The following RGPD2 variants were observed in gnomAD, a reference collection of about 807,000 sequenced individuals.
RGPD2 encodes RANBP2-like and GRIP domain-containing protein 2.
Under a neutral mutation model 36.0 loss-of-function variants are expected in RGPD2, and 2 were observed. The observed-to-expected ratio is 0.06, with a 90% CI of 0.02 to 0.17. RGPD2 has a LOEUF of 0.17. RGPD2 is among the 10% of genes least tolerant of loss of function. The probability of loss-of-function intolerance (pLI) is 1.00; values close to 1 mark genes in which losing one functional copy is unlikely to be tolerated. For synonymous variants in RGPD2, 19 were observed against 163.8 expected, an observed-to-expected ratio of 0.12 and a Z score of 6.75; for missense variants, 40 against 464.3, an observed-to-expected ratio of 0.09 and a Z score of 8.40.
chr2:87,844,492 A>G, the RGPD2 span, among the ~76,000 whole-genome samples: 1 of 148,910 alleles, frequency 6.7e-6, no homozygotes, highest in African/African-American at 2.4e-5. Context: ...TGATTTGCCT[A>G]TTATATATTT....
chr2:87,853,410 G>A, the RGPD2 span, among the ~76,000 whole-genome samples: 7 of 151,982 alleles, frequency 4.6e-5, no homozygotes, highest in African/African-American at 1.2e-4. Flanking sequence ...TTTTTGTAGA[G>A]ACAGGATCTT....
At chr2:87,973,885 C>G in the RGPD2 span, among the ~76,000 whole-genome samples, 2 of 147,766 alleles carry the variant, frequency 1.4e-5, no homozygotes, top group African/African-American at 2.5e-5. Flanking sequence ...GCACTTAAAA[C>G]AGTACGTGTC....
At chr2:87,876,371 A>G in the RGPD2 span, among the ~76,000 whole-genome samples, 1 of 152,234 alleles carries the variant, frequency 6.6e-6, no homozygotes, top group Non-Finnish European at 1.5e-5. Flanking sequence ...ATTTAGCACC[A>G]TGAATTTCCC....
chr2:87,988,476 A>G, the RGPD2 span, among the ~76,000 whole-genome samples: 36 of 124,760 alleles, frequency 2.9e-4, no homozygotes, highest in African/African-American at 9.7e-4. Flanking sequence ...TTAGGCTTCC[A>G]GTTTCCCAGA....
the RGPD2 span, among the ~76,000 whole-genome samples, chr2:87,875,410 T>G: frequency 3.9e-5 from 6 of 152,384 alleles, no homozygotes; most frequent in African/African-American, 1.4e-4. Context: ...GTTTTTAACA[T>G]GAAGGGATGT....
chr2:87,971,961 C>CA, the RGPD2 span, among the ~76,000 whole-genome samples: 3 of 150,346 alleles, frequency 2.0e-5, no homozygotes, highest in Admixed American at 2.0e-4. Context: ...CCCAACCACC[C>CA]AAAAAAAGAT....
At chr2:87,884,400 A>G in the RGPD2 span, among the ~76,000 whole-genome samples, 11 of 152,190 alleles carry the variant, frequency 7.2e-5, no homozygotes, top group African/African-American at 2.4e-4. Flanking sequence ...TAGTAAAAGA[A>G]GAACAGACTA....
At chr2:87,914,215 A>G in the RGPD2 span, among the ~76,000 whole-genome samples, 15 of 130,830 alleles carry the variant, frequency 1.1e-4, no homozygotes, top group South Asian at 1.6e-3. Context: ...GAATAAATAT[A>G]TATTACTCTT....
the RGPD2 span, among the ~76,000 whole-genome samples, chr2:87,948,100 T>C: frequency 6.6e-6 from 1 of 152,254 alleles, no homozygotes; most frequent in Non-Finnish European, 1.5e-5. Flanking sequence ...GGTGCAAAAG[T>C]AATTGTGGTT....
intron 4 of RGPD2, among the ~76,000 whole-genome samples, chr2:87,813,274 G>A: frequency 6.6e-6 from 1 of 151,992 alleles, no homozygotes; most frequent in Non-Finnish European, 1.5e-5. Flanking sequence ...TGTGTGCTTA[G>A]ATTTGGGAAA....
At chr2:87,966,009 T>A in the RGPD2 span, among the ~76,000 whole-genome samples, 7 of 116,778 alleles carry the variant, frequency 6.0e-5, no homozygotes, top group African/African-American at 1.4e-4. Flanking sequence ...CCCTGATGAA[T>A]GTGGAGGGAA....
intron 20 of RGPD2, among the ~76,000 whole-genome samples, chr2:87,781,517 G>C (rs1419525666): frequency 6.8e-6 from 1 of 147,002 alleles, no homozygotes; most frequent in Non-Finnish European, 1.5e-5. Flanking sequence ...CTGGAGTGCA[G>C]TGGCATGATT....
the RGPD2 span, among the ~76,000 whole-genome samples, chr2:87,961,327 G>A: frequency 1.3e-5 from 2 of 152,162 alleles, no homozygotes; most frequent in Admixed American, 1.3e-4. Context: ...CTTGTGTACT[G>A]CGTCAGCACT....
chr2:87,849,582 C>CA, the RGPD2 span, among the ~76,000 whole-genome samples: 1 of 141,708 alleles, frequency 7.1e-6, no homozygotes, highest in African/African-American at 2.6e-5. Flanking sequence ...ATAACAACAA[C>CA]AAAAAAATAA....
chr2:87,921,486 T>C, the RGPD2 span, among the ~76,000 whole-genome samples: 1 of 152,116 alleles, frequency 6.6e-6, no homozygotes, highest in Admixed American at 6.5e-5. Context: ...GGGAGGAAGA[T>C]TGAGATCCCA....
the RGPD2 span, among the ~76,000 whole-genome samples, chr2:87,973,257 T>C: frequency 1.3e-5 from 2 of 149,574 alleles, no homozygotes; most frequent in Middle Eastern, 3.4e-3. Flanking sequence ...GGGTGACCCC[T>C]GCCCCCACAC....
chr2:87,918,515 TAGAA>T, the RGPD2 span, among the ~76,000 whole-genome samples: 1 of 150,588 alleles, frequency 6.6e-6, no homozygotes, highest in Non-Finnish European at 1.5e-5. Flanking sequence ...TTTGGTCTGA[TAGAA>T]AGGTCACAAT....
chr2:87,932,838 TCC>T, the RGPD2 span, among the ~76,000 whole-genome samples: 1 of 151,116 alleles, frequency 6.6e-6, no homozygotes, highest in African/African-American at 2.4e-5. Context: ...CTGATGTACT[TCC>T]CTTTGTAGAT....
At chr2:87,988,603 C>T in the RGPD2 span, among the ~76,000 whole-genome samples, 783 of 143,998 alleles carry the variant, frequency 5.4e-3, 8 homozygotes, top group African/African-American at 0.018. Context: ...TGCAGTGGCA[C>T]GATCTTGGCT....
Sources: gnomAD v4.1 joint callset for allele counts (sites outside exome capture counted in the v4.1 genomes callset) on GRCh38, gnomAD v4.1.1 for gene constraint, MANE v1.5 for transcripts, NCBI Gene and HGNC (gene_info 2026-07-23, HGNC 2026-07-21) for gene names.